Variants in PRKG1 observed in about 807,000 individuals in gnomAD.
PRKG1 encodes cGMP-dependent protein kinase 1.
PRKG1 carries 35 observed loss-of-function variants against 88.1 expected under a neutral mutation model. The observed-to-expected ratio is 0.40, with a 90% CI of 0.30 to 0.53. The LOEUF (loss-of-function observed/expected upper bound fraction) is 0.53. Ranked by LOEUF, PRKG1 falls within the 20% of genes least tolerant of loss-of-function variation. PRKG1 has a pLI of 0.59. For synonymous variants in PRKG1, 303 were observed against 292.5 expected, an observed-to-expected ratio of 1.04 and a Z score of -0.37; for missense variants, 540 against 839.8, an observed-to-expected ratio of 0.64 and a Z score of 4.41.
At chr10:51,841,478 C>G (rs1397132745) in intron 4 of PRKG1, among the ~76,000 whole-genome samples, 1 of 152,060 alleles carries the variant, frequency 6.6e-6, no homozygotes, top group African/African-American at 2.4e-5. Context: ...TATGGGTAGG[C>G]TTTCAGGAGG....
intron 1 of PRKG1, among the ~76,000 whole-genome samples, chr10:51,134,716 T>C (rs1049119558): frequency 6.6e-6 from 1 of 152,154 alleles, no homozygotes; most frequent in Non-Finnish European, 1.5e-5. Flanking sequence ...TTCTTAGATA[T>C]TTGAATGACA....
intron 3 of PRKG1, among the ~76,000 whole-genome samples, chr10:51,688,565 C>CTTTTTTT (rs35034840): frequency 8.1e-6 from 1 of 123,748 alleles, no homozygotes; most frequent in Non-Finnish European, 1.6e-5. Flanking sequence ...AGTAACAATC[C>CTTTTTTT]TTTTTTTTTT....
intron 5 of PRKG1, among the ~76,000 whole-genome samples, chr10:51,929,781 A>G (rs1010501588): frequency 6.6e-6 from 1 of 152,198 alleles, no homozygotes; most frequent in African/African-American, 2.4e-5. Flanking sequence ...GATACTACAT[A>G]TTGAATTCTA....
intron 3 of PRKG1, among the ~76,000 whole-genome samples, chr10:51,531,980 G>A (rs780984535): frequency 6.6e-6 from 1 of 152,044 alleles, no homozygotes; most frequent in Non-Finnish European, 1.5e-5. Flanking sequence ...CAGGACACTC[G>A]ATTTCTGCTA....
At chr10:51,267,612 A>G (rs1201005341) in intron 2 of PRKG1, among the ~76,000 whole-genome samples, 2 of 152,224 alleles carry the variant, frequency 1.3e-5, no homozygotes, top group African/African-American at 2.4e-5. Flanking sequence ...AGCCACATGT[A>G]GAAGAATGAA....
intron 9 of PRKG1, among the ~76,000 whole-genome samples, chr10:52,245,769 ATTTATTT>A (rs1469676363): frequency 7.0e-6 from 1 of 141,944 alleles, no homozygotes; most frequent in Admixed American, 6.9e-5. Flanking sequence ...TTATTTATTT[ATTTATTT>A]ATTTATTTAT....
At chr10:51,422,777 T>C (rs1838454174) in intron 2 of PRKG1, among the ~76,000 whole-genome samples, 1 of 152,150 alleles carries the variant, frequency 6.6e-6, no homozygotes, top group Non-Finnish European at 1.5e-5. Flanking sequence ...GCCACACTCA[T>C]GCCTGCTGCT....
chr10:51,309,820 A>G (rs1841138107), intron 2 of PRKG1, among the ~76,000 whole-genome samples: 1 of 152,206 alleles, frequency 6.6e-6, no homozygotes, highest in Non-Finnish European at 1.5e-5. Flanking sequence ...TACTATTCAT[A>G]ATAGCAAAGA....
intron 2 of PRKG1, among the ~76,000 whole-genome samples, chr10:51,436,918 C>T (rs1341986379): frequency 6.6e-6 from 1 of 151,970 alleles, no homozygotes; most frequent in Non-Finnish European, 1.5e-5. Flanking sequence ...ATTGACTTGC[C>T]AGAGGTTGCC....
At chr10:51,130,574 TTTTTA>T (rs142588322) in intron 1 of PRKG1, among the ~76,000 whole-genome samples, 5,258 of 152,246 alleles carry the variant, frequency 0.035, 110 homozygotes, top group Middle Eastern at 0.058. Context: ...CATCTACTTT[TTTTTA>T]TTTTATTTTT....
At chr10:51,833,272 C>T (rs190158337) in intron 4 of PRKG1, among the ~76,000 whole-genome samples, 57 of 152,220 alleles carry the variant, frequency 3.7e-4, no homozygotes, top group African/African-American at 1.1e-3. Context: ...TGCTGAGTGA[C>T]GTAAAATTTC....
intron 7 of PRKG1, among the ~76,000 whole-genome samples, chr10:52,103,802 T>C (rs1847351746): frequency 6.6e-6 from 1 of 151,970 alleles, no homozygotes; most frequent in Non-Finnish European, 1.5e-5. Flanking sequence ...GAAAGCCTCA[T>C]TGTTTTCTTT....
At chr10:52,278,675 C>T (rs901157867) in intron 12 of PRKG1, among the ~76,000 whole-genome samples, 2 of 152,032 alleles carry the variant, frequency 1.3e-5, no homozygotes, top group Admixed American at 6.5e-5. Flanking sequence ...CGCCTGTAAT[C>T]CTAGCACTTT....
intron 1 of PRKG1, among the ~76,000 whole-genome samples, chr10:51,144,400 G>C (rs2131960412): frequency 6.6e-6 from 1 of 152,126 alleles, no homozygotes; most frequent in South Asian, 2.1e-4. Flanking sequence ...GTTCTACTAT[G>C]GCAAACTTAG....
At chr10:51,145,759 C>A (rs1257819068) in intron 1 of PRKG1, among the ~76,000 whole-genome samples, 1 of 152,154 alleles carries the variant, frequency 6.6e-6, no homozygotes, top group Non-Finnish European at 1.5e-5. Context: ...CTGTTAACAT[C>A]TAACTAGTGA....
chr10:51,311,490 G>A (rs568675658), intron 2 of PRKG1, among the ~76,000 whole-genome samples: 15 of 152,318 alleles, frequency 9.8e-5, no homozygotes, highest in African/African-American at 3.4e-4. Flanking sequence ...TGACTTGTCC[G>A]TGGAGAACAT....
intron 5 of PRKG1, among the ~76,000 whole-genome samples, chr10:51,940,964 A>G (rs969762499): frequency 6.6e-6 from 1 of 151,960 alleles, no homozygotes; most frequent in African/African-American, 2.4e-5. Flanking sequence ...TCAAAGCTAG[A>G]TAGAGAAAAG....
intron 5 of PRKG1, among the ~76,000 whole-genome samples, chr10:52,032,050 T>C (rs183241575): frequency 1.3e-5 from 2 of 152,288 alleles, no homozygotes; most frequent in African/African-American, 2.4e-5. Flanking sequence ...TATTATGCCA[T>C]GGAGAATGTT....
At chr10:51,845,027 G>A (rs1840364444) in intron 4 of PRKG1, among the ~76,000 whole-genome samples, 1 of 152,096 alleles carries the variant, frequency 6.6e-6, no homozygotes, top group African/African-American at 2.4e-5. Flanking sequence ...TAATGTAGAT[G>A]TGAAAAAATT....
Sources: allele counts gnomAD v4.1 joint callset (sites outside exome capture counted in the v4.1 genomes callset), GRCh38; gene constraint gnomAD v4.1.1; transcripts MANE v1.5; gene names NCBI Gene and HGNC (gene_info 2026-07-23, HGNC 2026-07-21).